The following ZNF488 variants were observed in gnomAD, a reference collection of about 807,000 sequenced individuals.
The protein encoded by ZNF488 is zinc finger protein 488.
In ZNF488, 1 loss-of-function variant was observed where a neutral mutation model predicts 1.2. That is an observed-to-expected ratio of 0.86 (90% CI 0.30 to 4.07). The LOEUF is 4.07. Among genes scored for constraint, ZNF488 ranks in the 30% most tolerant of loss-of-function variants. The pLI, the probability that ZNF488 is intolerant of heterozygous loss-of-function variation, is 0.18. For synonymous variants in ZNF488, 185 were observed against 190.1 expected, an observed-to-expected ratio of 0.97 and a Z score of 0.22; for missense variants, 450 against 437.9, an observed-to-expected ratio of 1.03 and a Z score of -0.25.
chr10:47,372,541 T>C (rs1018423585), intron 1 of ZNF488, among the ~76,000 whole-genome samples: 21 of 151,270 alleles, frequency 1.4e-4, no homozygotes, highest in Non-Finnish European at 2.8e-4. Context: ...GTGTGAAGTA[T>C]AGGTCAAGAA....
At chr10:47,382,386 C>T (rs1456163722) in intron 1 of ZNF488, among the ~76,000 whole-genome samples, 1 of 152,172 alleles carries the variant, frequency 6.6e-6, no homozygotes, top group Non-Finnish European at 1.5e-5. Context: ...CTTATAGAGG[C>T]ACAGACCACT....
intron 1 of ZNF488, among the ~76,000 whole-genome samples, chr10:47,372,198 T>C (rs1387424748): frequency 6.6e-6 from 1 of 151,930 alleles, no homozygotes; most frequent in Non-Finnish European, 1.5e-5. Context: ...GAGAGTAGGG[T>C]GAGTGTGCAG....
At chr10:47,383,047 T>C (rs1315046085) in intron 1 of ZNF488, among the ~76,000 whole-genome samples, 1 of 152,238 alleles carries the variant, frequency 6.6e-6, no homozygotes, top group Non-Finnish European at 1.5e-5. Flanking sequence ...GATTACATTG[T>C]AACCAAGAAA....
intron 1 of ZNF488, among the ~76,000 whole-genome samples, chr10:47,378,272 A>G (rs141664759): frequency 6.6e-6 from 1 of 152,324 alleles, no homozygotes; most frequent in African/African-American, 2.4e-5. Context: ...GTGGAAGGGA[A>G]GACATGCACT....
Position 47,367,858 on chromosome 10 carries a change from C to A in ZNF488, c.972G>T (p.Glu324Asp). 6.2e-7 allele frequency: 1 copy of A among 1,613,766 alleles called. No homozygotes were observed. The highest frequency in any genetic ancestry group is 8.5e-7 in the Non-Finnish European group (1 of 1,180,010). The part of the protein sequence containing the change: ...EEALACPVCQ[E>D]HFRERHHLSR... ...AGAGGTGGTGGCGCTCCCGGAAGTG[C>A]TCCTGGCACACAGGGCAGGCAAGGG... Residue 324 changes from glutamate (E) to aspartate (D), a missense_variant, in exon 2 of 2, where the codon GAG becomes GAT. By Grantham distance (45) the Glu-to-Asp change is conservative (BLOSUM62 2). Coordinates refer to ENST00000585316, the MANE Select transcript of ZNF488 (RefSeq NM_153034.4).
At chr10:47,369,011 C>T (rs1459253048) in intron 1 of ZNF488, 74 bp from the exon 2 acceptor site, 9 of 678,710 alleles carry the variant, frequency 1.3e-5, no homozygotes, top group Non-Finnish European at 1.9e-5. Context: ...GAGCTGGCAT[C>T]AGACAGGACC....
intron 1 of ZNF488, among the ~76,000 whole-genome samples, chr10:47,381,294 C>T (rs1565789162): frequency 1.3e-5 from 2 of 152,292 alleles, no homozygotes; most frequent in Admixed American, 1.3e-4. Flanking sequence ...TTAAAACACA[C>T]AAGAGCAGAA....
chr10:47,382,630 C>T, intron 1 of ZNF488, among the ~76,000 whole-genome samples: 1 of 152,178 alleles, frequency 6.6e-6, no homozygotes, highest in Non-Finnish European at 1.5e-5. Context: ...CTTTTTAAAC[C>T]AGAAAAAAGC....
intron 1 of ZNF488, among the ~76,000 whole-genome samples, chr10:47,377,671 T>TCACTCACACACA (rs1555214623): frequency 9.5e-6 from 1 of 104,952 alleles, no homozygotes; most frequent in Non-Finnish European, 2.0e-5. Flanking sequence ...GCAATAACAA[T>TCACTCACACACA]CACACACACA....
At chr10:47,375,730 A>G (rs1165822462) in intron 1 of ZNF488, among the ~76,000 whole-genome samples, 1 of 152,216 alleles carries the variant, frequency 6.6e-6, no homozygotes, top group East Asian at 1.9e-4. Context: ...AAATGAAAAT[A>G]TCACCCAAAA....
intron 1 of ZNF488, among the ~76,000 whole-genome samples, chr10:47,380,046 G>A (rs564824213): frequency 2.7e-3 from 414 of 152,344 alleles, no homozygotes; most frequent in Non-Finnish European, 4.9e-3. Flanking sequence ...CCTAGACGGC[G>A]ATGGATCTAT....
intron 1 of ZNF488, among the ~76,000 whole-genome samples, chr10:47,369,504 G>A (rs1314408369): frequency 6.7e-6 from 1 of 148,886 alleles, no homozygotes; most frequent in Admixed American, 6.8e-5. Flanking sequence ...TCCTCATGCA[G>A]CCCTCTCTGT....
intron 1 of ZNF488, among the ~76,000 whole-genome samples, chr10:47,372,585 G>A (rs1565781408): frequency 1.3e-5 from 2 of 152,302 alleles, no homozygotes; most frequent in South Asian, 4.1e-4. Flanking sequence ...CAGAGAAAAT[G>A]CATAAAGATT....
intron 1 of ZNF488, among the ~76,000 whole-genome samples, chr10:47,379,452 G>A (rs922711238): frequency 2.5e-5 from 2 of 81,240 alleles, no homozygotes; most frequent in South Asian, 7.3e-4. Flanking sequence ...AGGAGCAGGA[G>A]GATGGAGAAA....
chr10:47,368,971 G>T, intron 1 of ZNF488, 34 bp from the exon 2 acceptor site: 1 of 963,334 alleles, frequency 1.0e-6, no homozygotes. Context: ...CAGTGAGATG[G>T]GCATTCATCA....
intron 1 of ZNF488, among the ~76,000 whole-genome samples, chr10:47,381,165 C>G (rs1555215319): frequency 6.6e-6 from 1 of 152,300 alleles, no homozygotes; most frequent in Non-Finnish European, 1.5e-5. Flanking sequence ...CCCAAGCCAA[C>G]TGGCCAGCCT....
intron 1 of ZNF488, among the ~76,000 whole-genome samples, chr10:47,381,898 G>A (rs782276287): frequency 5.6e-5 from 3 of 53,280 alleles, no homozygotes; most frequent in Non-Finnish European, 1.4e-4. Context: ...AGGGAGCAGT[G>A]TTCTGCCAAA....
At chr10:47,382,971 T>C (rs747173476) in intron 1 of ZNF488, among the ~76,000 whole-genome samples, 1 of 152,216 alleles carries the variant, frequency 6.6e-6, no homozygotes, top group Non-Finnish European at 1.5e-5. Context: ...TTTGTGTGTG[T>C]TTGAACATAT....
intron 1 of ZNF488, among the ~76,000 whole-genome samples, chr10:47,373,535 C>A (rs1555214093): frequency 6.6e-6 from 1 of 152,142 alleles, no homozygotes; most frequent in Non-Finnish European, 1.5e-5. Flanking sequence ...GAACATAATG[C>A]ATTTAAATAG....
Sources: allele counts gnomAD v4.1 joint callset (sites outside exome capture counted in the v4.1 genomes callset), GRCh38; gene constraint gnomAD v4.1.1; transcripts MANE v1.5; gene names NCBI Gene and HGNC (gene_info 2026-07-23, HGNC 2026-07-21).